The following PSMA1 variants were observed in gnomAD, a reference collection of about 807,000 sequenced individuals.
PSMA1 encodes the protein proteasome subunit alpha type-1.
PSMA1 carries 3 observed loss-of-function variants against 38.4 expected under a neutral mutation model. The observed-to-expected ratio is 0.08, with a 90% CI of 0.04 to 0.20. The LOEUF (loss-of-function observed/expected upper bound fraction) is 0.20, where lower values mean the gene tolerates loss of function less well. Among genes scored for constraint, PSMA1 ranks in the 10% least tolerant of loss-of-function variants. The pLI, the probability that PSMA1 is intolerant of heterozygous loss-of-function variation, is 1.00. For synonymous variants in PSMA1, 101 were observed against 107.1 expected (o/e 0.94, Z 0.35); for missense variants, 227 against 325.3 (o/e 0.70, Z 2.32).
intron 2 of PSMA1, among the ~76,000 whole-genome samples, chr11:14,591,286 T>C (rs2134188290): frequency 6.6e-6 from 1 of 152,306 alleles, no homozygotes; most frequent in Non-Finnish European, 1.5e-5. Flanking sequence ...CACCCAACCT[T>C]AGCTGGCTTC....
At chr11:14,529,034 G>C (rs575999872) in intron 2 of PSMA1, among the ~76,000 whole-genome samples, 67 of 151,348 alleles carry the variant, frequency 4.4e-4, no homozygotes, top group African/African-American at 1.6e-3. Flanking sequence ...AGCCTGTTTG[G>C]TGTTCTCTTC....
chr11:14,630,526 T>A (rs1017381093), intron 1 of PSMA1, among the ~76,000 whole-genome samples: 1 of 152,226 alleles, frequency 6.6e-6, no homozygotes, highest in African/African-American at 2.4e-5. Flanking sequence ...CACTTGGTCA[T>A]GGTGGATAAG....
intron 1 of PSMA1, among the ~76,000 whole-genome samples, chr11:14,621,892 T>C (rs887351420): frequency 1.3e-5 from 2 of 152,238 alleles, no homozygotes; most frequent in African/African-American, 2.4e-5. Flanking sequence ...ATTTACTGAA[T>C]GCTTTTTATG....
intron 2 of PSMA1, among the ~76,000 whole-genome samples, chr11:14,594,102 T>C (rs1852455411): frequency 6.6e-6 from 1 of 152,214 alleles, no homozygotes; most frequent in South Asian, 2.1e-4. Context: ...ATGGCAGAGC[T>C]GAAGAATGGA....
rs150581834 is a variant in PSMA1, at chr11:14,558,957, C to G, written c.22-39916G>C. 3.2e-3 allele frequency among the ~76,000 whole-genome samples: 494 copies of G among 152,300 alleles called. 6 individuals are homozygous for G. The highest frequency in any genetic ancestry group is 0.011 in the African/African-American group (469 of 41,558). ...AGGGCATGAGCTCTGGGTTGTTGGT[C>G]AAGTGGGATGTGCTGCAAGACTCAG... On this transcript the variant is annotated intron_variant, in intron 2 of 10. Coordinates refer to the PSMA1 transcript ENST00000418988.
At chr11:14,547,539 T>TA (rs949922388) in intron 2 of PSMA1, among the ~76,000 whole-genome samples, 5 of 152,010 alleles carry the variant, frequency 3.3e-5, no homozygotes, top group African/African-American at 7.3e-5. Context: ...GGGAGTGCAG[T>TA]AAAAAATGGA....
In PSMA1 at chr11:14,528,660, A is replaced by C. The variant is rs551357648; in HGVS notation, c.22-9619T>G. Among the ~76,000 whole-genome samples the C allele has an allele frequency of 1.8e-4, 27 of 152,304 alleles. 1 individual carries two copies. In the South Asian group the frequency reaches 5.2e-3, roughly 29 times the overall value. On this transcript the variant is annotated intron_variant, in intron 2 of 10. Transcript: ENST00000418988. Reference sequence around the variant, plus strand: ...GCCTCTGAGCCCAAGCTAAGCCATCATATCCCCAGTGACCTGCACGTATAC... The same window carrying C: ...GCCTCTGAGCCCAAGCTAAGCCATCCTATCCCCAGTGACCTGCACGTATAC...
chr11:14,641,086 C>G (rs932404892), intron 1 of PSMA1, among the ~76,000 whole-genome samples: 6 of 151,688 alleles, frequency 4.0e-5, no homozygotes, highest in Admixed American at 2.0e-4. Context: ...TAGATGACGC[C>G]TTGATGGGTG....
upstream of PSMA1, among the ~76,000 whole-genome samples, chr11:14,523,269 C>T (rs1160259500): frequency 6.6e-6 from 1 of 152,100 alleles, no homozygotes; most frequent in Non-Finnish European, 1.5e-5. Flanking sequence ...AAAACAACAA[C>T]AACAACAACT....
At chr11:14,521,604 A>G (rs1851531205), upstream of PSMA1, among the ~76,000 whole-genome samples, 1 of 151,498 alleles carries the variant, frequency 6.6e-6, no homozygotes, top group South Asian at 2.1e-4. Flanking sequence ...CCAACATGGT[A>G]AAACCCCGTC....
At chr11:14,589,542 G>T (rs926691326) in intron 2 of PSMA1, among the ~76,000 whole-genome samples, 2 of 151,636 alleles carry the variant, frequency 1.3e-5, no homozygotes, top group African/African-American at 2.4e-5. Context: ...TCTCTGTACT[G>T]TTACTCCCCA....
At chr11:14,557,716 C>T (rs2134171679) in intron 2 of PSMA1, among the ~76,000 whole-genome samples, 1 of 152,264 alleles carries the variant, frequency 6.6e-6, no homozygotes, top group South Asian at 2.1e-4. Context: ...CATATACTGC[C>T]CAGAGCGTTT....
intron 1 of PSMA1, among the ~76,000 whole-genome samples, chr11:14,617,263 A>C (rs1852785650): frequency 6.6e-6 from 1 of 152,196 alleles, no homozygotes; most frequent in Admixed American, 6.5e-5. Flanking sequence ...GGAAGGAAAC[A>C]CCAAAAATTG....
In PSMA1 at chr11:14,599,602, G is replaced by A. The variant is rs867191111; in HGVS notation, c.21+11364C>T. 1.5e-3 allele frequency among the ~76,000 whole-genome samples: 221 copies of A among 152,254 alleles called. 2 individuals carry two copies. Among genetic ancestry groups the A allele is most frequent in the African/African-American group, 5.1e-3 (212 of 41,550 alleles). ...TTTCAGCTCCATCAGGTCATTTAAG[G>A]TCTTCTCTCTGCTGTTTATTCTAGT... On this transcript the variant is annotated intron_variant, in intron 2 of 10. Coordinates refer to the PSMA1 transcript ENST00000418988.
At chr11:14,620,975 G>GA (rs1366136401) in intron 1 of PSMA1, among the ~76,000 whole-genome samples, 2 of 152,104 alleles carry the variant, frequency 1.3e-5, no homozygotes, top group Admixed American at 1.3e-4. Context: ...TATTATACAA[G>GA]AAAAAATATT....
rs1852974189 is a variant in PSMA1, at chr11:14,629,808, T to A, written c.-166+13647A>T. Among the ~76,000 whole-genome samples, 3 of 151,924 alleles carry A rather than the reference T, an allele frequency of 2.0e-5. No individual in the cohort carries two copies. In the South Asian group the frequency reaches 6.2e-4, roughly 32 times the overall value. On this transcript the variant is annotated intron_variant, in intron 1 of 10. Transcript: ENST00000418988. ...ATTCTTCCTACCCATGAGCATGGAATGTTCTTCCATTTGTTTGTATCCTCT... is the reference window on the plus strand; with the variant it reads ...ATTCTTCCTACCCATGAGCATGGAAAGTTCTTCCATTTGTTTGTATCCTCT...
At chr11:14,511,571 G>A (rs1049398360) in intron 7 of PSMA1, among the ~76,000 whole-genome samples, 4 of 152,104 alleles carry the variant, frequency 2.6e-5, no homozygotes, top group African/African-American at 7.2e-5. Flanking sequence ...ACCACCCCAA[G>A]AGATGCATAA....
At chr11:14,538,086 T>C (rs993662294) in intron 2 of PSMA1, among the ~76,000 whole-genome samples, 1 of 152,102 alleles carries the variant, frequency 6.6e-6, no homozygotes, top group African/African-American at 2.4e-5. Flanking sequence ...GGGTATAATA[T>C]AAAAAAATTT....
intron 2 of PSMA1, among the ~76,000 whole-genome samples, chr11:14,532,655 A>G (rs898384309): frequency 2.8e-5 from 4 of 140,668 alleles, no homozygotes; most frequent in African/African-American, 1.1e-4. Flanking sequence ...TTCAATAAAG[A>G]CAATATGATT....
Sources: allele counts gnomAD v4.1 joint callset (sites outside exome capture counted in the v4.1 genomes callset), GRCh38; gene constraint gnomAD v4.1.1; transcripts MANE v1.5; gene names NCBI Gene and HGNC (gene_info 2026-07-23, HGNC 2026-07-21).